The following RASA3 variants were observed in gnomAD, a reference collection of about 807,000 sequenced individuals.
RASA3 encodes ras GTPase-activating protein 3.
A neutral mutation model predicts 110.0 loss-of-function variants in RASA3; 73 were observed. The ratio of observed to expected loss-of-function variants is 0.66; its 90% CI spans 0.55 to 0.81. The LOEUF (loss-of-function observed/expected upper bound fraction) is 0.81. Ranked by LOEUF, RASA3 falls within the 30% of genes least tolerant of loss-of-function variation. The pLI is 0.00. For missense variants in RASA3, 976 were observed against 1,113.2 expected (o/e 0.88, Z 1.75); for synonymous variants, 500 against 451.4 (o/e 1.11, Z -1.37).
At chr13:114,030,601 C>G (rs2054144144) in intron 4 of RASA3, among the ~76,000 whole-genome samples, 1 of 152,228 alleles carries the variant, frequency 6.6e-6, no homozygotes, top group African/African-American at 2.4e-5. Flanking sequence ...GCAAGGCTGC[C>G]CTGCGGGTCC....
chr13:114,018,841 T>C lies in RASA3; in HGVS notation c.864A>G (p.Val288=). The C allele has an allele frequency of 6.2e-7, 1 of 1,613,910 alleles. No homozygotes were observed. Among genetic ancestry groups the C allele is most frequent in the Non-Finnish European group, 8.5e-7 (1 of 1,179,994 alleles). Residue 288 remains valine, a synonymous_variant, in exon 10 of 24, where the codon GTA becomes GTG. Coordinates refer to ENST00000334062, the MANE Select transcript of RASA3 (RefSeq NM_007368.4). ...DDLGSLRLNV[V]YTEDHVFSSD... is the part of the protein sequence containing the mutation. Reference sequence around the variant, plus strand: ...AAGAAAACACGTGGTCTTCCGTGTATACCACGTTCAGCCGCAGGGAGCCCA... The same window carrying C: ...AAGAAAACACGTGGTCTTCCGTGTACACCACGTTCAGCCGCAGGGAGCCCA...
intron 1 of RASA3, among the ~76,000 whole-genome samples, chr13:114,109,942 C>A (rs944424736): frequency 2.6e-5 from 4 of 152,278 alleles, no homozygotes; most frequent in South Asian, 2.1e-4. Flanking sequence ...GTGAACGTCC[C>A]GTCTCCTCAG....
At chr13:114,125,148 G>A (rs1290605317) in intron 1 of RASA3, among the ~76,000 whole-genome samples, 2 of 152,170 alleles carry the variant, frequency 1.3e-5, no homozygotes, top group African/African-American at 2.4e-5. Flanking sequence ...GAGTCATGTG[G>A]TTTGGCCTGG....
intron 2 of RASA3, among the ~76,000 whole-genome samples, chr13:114,068,295 C>T (rs940770311): frequency 2.6e-5 from 4 of 152,358 alleles, no homozygotes; most frequent in African/African-American, 9.6e-5. Context: ...AGGGTCAGAC[C>T]CAGAACCCTG....
intron 18 of RASA3, among the ~76,000 whole-genome samples, chr13:114,005,376 G>T (rs936102232): frequency 1.3e-5 from 2 of 152,334 alleles, no homozygotes; most frequent in Admixed American, 1.3e-4. Flanking sequence ...GAAGGTTGAT[G>T]GGCTCTGATG....
chr13:114,060,241 G>A (rs2079316230), intron 2 of RASA3, among the ~76,000 whole-genome samples: 1 of 152,210 alleles, frequency 6.6e-6, no homozygotes, highest in South Asian at 2.1e-4. Context: ...GAGGTCAGAG[G>A]TCAGGGTGCA....
intron 18 of RASA3, among the ~76,000 whole-genome samples, chr13:114,003,814 T>C (rs1409183535): frequency 6.6e-6 from 1 of 152,230 alleles, no homozygotes; most frequent in East Asian, 1.9e-4. Flanking sequence ...TTAATTTAGA[T>C]TGTGAGGTCC....
chr13:114,074,286 C>T (rs116946890), intron 1 of RASA3, among the ~76,000 whole-genome samples: 2,216 of 152,290 alleles, frequency 0.015, 136 homozygotes, highest in Admixed American at 0.1. Context: ...CTCCCATCCC[C>T]CTCCTGCTGT....
At chr13:114,043,811 T>C (rs1021623815) in intron 3 of RASA3, among the ~76,000 whole-genome samples, 1 of 142,446 alleles carries the variant, frequency 7.0e-6, no homozygotes, top group Admixed American at 7.2e-5. Flanking sequence ...CCAGGACACC[T>C]CCGCCTGGCC....
intron 2 of RASA3, among the ~76,000 whole-genome samples, chr13:114,060,220 T>C (rs1308649906): frequency 1.3e-5 from 2 of 152,152 alleles, no homozygotes; most frequent in African/African-American, 4.8e-5. Flanking sequence ...GACCGGAGCA[T>C]GCTGGGAGCC....
chr13:114,012,346 C>T (rs1033362775), intron 15 of RASA3, among the ~76,000 whole-genome samples: 22 of 150,834 alleles, frequency 1.5e-4, no homozygotes, highest in African/African-American at 4.9e-4. Flanking sequence ...TCCACACACA[C>T]TCCACACGCA....
At chr13:114,043,728 G>C (rs2078978862) in intron 3 of RASA3, among the ~76,000 whole-genome samples, 1 of 152,048 alleles carries the variant, frequency 6.6e-6, no homozygotes, top group Non-Finnish European at 1.5e-5. Flanking sequence ...GGCTCAGAGA[G>C]AAATCCAGTG....
intron 22 of RASA3, among the ~76,000 whole-genome samples, chr13:113,982,510 C>T (rs1050810553): frequency 1.1e-4 from 16 of 152,280 alleles, no homozygotes; most frequent in Non-Finnish European, 1.8e-4. Context: ...TCGCCCCTAG[C>T]GGACAGCCAT....
At chr13:114,070,720 G>A (rs1002684602) in intron 2 of RASA3, among the ~76,000 whole-genome samples, 10 of 142,688 alleles carry the variant, frequency 7.0e-5, no homozygotes, top group South Asian at 2.3e-4. Flanking sequence ...AGTCTTACAC[G>A]TGGGCAGGGC....
In RASA3 at chr13:114,014,822, C is replaced by A. The variant is rs2053752794; in HGVS notation, c.1405+387G>T. Among the ~76,000 whole-genome samples, 1 of 152,128 alleles carries A rather than the reference C, an allele frequency of 6.6e-6. No individual in the cohort carries two copies. The highest frequency in any genetic ancestry group is 2.4e-5 in the African/African-American group (1 of 41,422). ...CACAAAAAGAAACCACTGGGAAAAC[C>A]CAGGGGTCCACATCAGGAAAATTCA... On this transcript the variant is annotated intron_variant, in intron 14 of 23. Transcript: ENST00000334062. The surrounding 1 kb of genome is among the most constrained non-coding windows in gnomAD (Gnocchi z 4.5).
intron 2 of RASA3, among the ~76,000 whole-genome samples, chr13:114,070,198 G>A (rs1359034005): frequency 8.3e-6 from 1 of 120,516 alleles, no homozygotes; most frequent in Non-Finnish European, 1.8e-5. Flanking sequence ...TGGGGGCTGG[G>A]AGACTGGGGG....
chr13:113,999,019 C>T (rs1440039303), intron 20 of RASA3, among the ~76,000 whole-genome samples: 2 of 145,280 alleles, frequency 1.4e-5, no homozygotes, highest in African/African-American at 2.6e-5. Context: ...CGGGCGGGAC[C>T]GTGAAGGGAG....
In RASA3 at chr13:114,048,212, A is replaced by G. The variant is rs55895457; in HGVS notation, c.277+3840T>C. Among the ~76,000 whole-genome samples, 53,694 of 151,424 alleles carry G rather than the reference A, an allele frequency of 0.35. 9,778 individuals carry two copies. Among genetic ancestry groups the G allele is most frequent in the Middle Eastern group, 0.48 (140 of 294 alleles). On this transcript the variant is annotated intron_variant, in intron 3 of 23. Coordinates refer to ENST00000334062, the MANE Select transcript of RASA3 (RefSeq NM_007368.4). The surrounding 1 kb of genome is among the most constrained non-coding windows in gnomAD (Gnocchi z 4.3). ...CGCCTGTAGTCCCAGCTACTCGGGA[A>G]GCTGAGGCAGGAGAATGGCGTGAAC... is the stretch of plus-strand genomic sequence containing the variant.
intron 1 of RASA3, among the ~76,000 whole-genome samples, chr13:114,111,526 A>T (rs1393094406): frequency 6.7e-6 from 1 of 148,474 alleles, no homozygotes; most frequent in Non-Finnish European, 1.5e-5. Flanking sequence ...TGAGCCTCAA[A>T]CGAGCTGCAG....
Sources: allele counts gnomAD v4.1 joint callset (sites outside exome capture counted in the v4.1 genomes callset), GRCh38; gene constraint gnomAD v4.1.1; non-coding constraint Gnocchi (gnomAD v3.1); transcripts MANE v1.5; gene names NCBI Gene and HGNC (gene_info 2026-07-23, HGNC 2026-07-21).